FBXO31: variants seen among roughly 807,000 people sequenced by gnomAD.
FBXO31 encodes F-box protein 31, also known as F-box only protein 31.
Under a neutral mutation model 54.4 loss-of-function variants are expected in FBXO31, and 24 were observed. That is an observed-to-expected ratio of 0.44 (90% CI 0.32 to 0.62). The LOEUF is 0.62. FBXO31 is among the 20% of genes least tolerant of loss of function. The pLI, the probability that FBXO31 is intolerant of heterozygous loss-of-function variation, is 0.05. For synonymous variants in FBXO31, 388 were observed against 335.6 expected (o/e 1.16, Z -1.71); for missense variants, 665 against 787.1 (o/e 0.84, Z 1.86).
chr16:87,380,296 C>CAA (rs71156230), intron 1 of FBXO31, among the ~76,000 whole-genome samples: 3,020 of 97,318 alleles, frequency 0.031, 89 homozygotes, highest in African/African-American at 0.046. Flanking sequence ...GACTCCGTCT[C>CAA]AAAAAAAAAA....
At chr16:87,349,065 A>T (rs1265256084) in intron 2 of FBXO31, among the ~76,000 whole-genome samples, 2 of 152,248 alleles carry the variant, frequency 1.3e-5, no homozygotes, top group Non-Finnish European at 2.9e-5. Context: ...CTGTGAAGAC[A>T]AAAACTCCCC....
chr16:87,332,362 A>C (rs1408617869), intron 8 of FBXO31, among the ~76,000 whole-genome samples: 2 of 152,216 alleles, frequency 1.3e-5, no homozygotes, highest in Non-Finnish European at 2.9e-5. Flanking sequence ...ACTGTCCTGC[A>C]GGTTAGCTGG....
chr16:87,389,108 GTTTC>G lies in FBXO31; in HGVS notation c.-177+625_-177+628del, dbSNP rs1183499889. Reference sequence around the variant, plus strand: ...ATGCTTCCAAAAGTTACATGAAGTTGTTTCTTATATTTATTTGTATATGAATGTA... The same window carrying G: ...ATGCTTCCAAAAGTTACATGAAGTTGTTATATTTATTTGTATATGAATGTA... On this transcript the variant is annotated intron_variant, in intron 1 of 8. Transcript: ENST00000618298. 1.4e-4 allele frequency among the ~76,000 whole-genome samples: 21 copies of G among 151,710 alleles called. No individual in the cohort carries two copies. In the East Asian group the frequency reaches 4.1e-3, roughly 29 times the overall value.
upstream of FBXO31, chr16:87,384,019 G>A (rs184718664): frequency 6.1e-4 from 122 of 199,518 alleles, 1 homozygote; most frequent in Middle Eastern, 3.6e-3. Flanking sequence ...CAAAACGTTA[G>A]ACTGCCCCGT....
intron 1 of FBXO31, among the ~76,000 whole-genome samples, chr16:87,376,425 C>T (rs1906827927): frequency 6.6e-6 from 1 of 151,996 alleles, no homozygotes; most frequent in South Asian, 2.1e-4. Flanking sequence ...AGGTGTGAGT[C>T]ACCACGTCCA....
At chr16:87,361,414 G>T (rs1906127585) in intron 1 of FBXO31, among the ~76,000 whole-genome samples, 3 of 152,232 alleles carry the variant, frequency 2.0e-5, no homozygotes, top group Admixed American at 2.0e-4. Flanking sequence ...GGGACGAGGT[G>T]GCTGGGTCTC....
At chr16:87,377,630 A>C (rs1906881284) in intron 1 of FBXO31, among the ~76,000 whole-genome samples, 1 of 152,122 alleles carries the variant, frequency 6.6e-6, no homozygotes, top group Non-Finnish European at 1.5e-5. Flanking sequence ...GTTCAAGACC[A>C]GCGGGGGCAA....
chr16:87,369,228 G>A (rs184825557), intron 1 of FBXO31, among the ~76,000 whole-genome samples: 1 of 151,980 alleles, frequency 6.6e-6, no homozygotes, highest in East Asian at 1.9e-4. Context: ...ACTGTTGACT[G>A]TACGGCTCAC....
In FBXO31 at chr16:87,381,405, C is replaced by G. The variant is rs531020086; in HGVS notation, c.340+2000G>C. ...GGGGAGAGGGCTTCACAGGCATCAC[C>G]TACCTCATTCACCCTCCAAGCACCT... On this transcript the variant is annotated intron_variant, in intron 1 of 8. Transcript: ENST00000311635. 1.4e-3 allele frequency among the ~76,000 whole-genome samples: 217 copies of G among 152,312 alleles called. 2 individuals carry two copies. The highest frequency in any genetic ancestry group is 2.6e-3 in the Non-Finnish European group (174 of 68,022).
At chr16:87,372,467 C>T (rs1342668814) in intron 1 of FBXO31, among the ~76,000 whole-genome samples, 1 of 152,188 alleles carries the variant, frequency 6.6e-6, no homozygotes, top group African/African-American at 2.4e-5. Flanking sequence ...GTTGCTACTG[C>T]CTGGACAGTG....
intron 1 of FBXO31, chr16:87,367,744 C>G (rs908060567): frequency 1.3e-5 from 2 of 152,290 alleles, no homozygotes; most frequent in Admixed American, 1.3e-4. Context: ...ACAAGATGCT[C>G]TGATTCCCTG....
intron 2 of FBXO31, among the ~76,000 whole-genome samples, chr16:87,356,668 G>A (rs1191087911): frequency 1.3e-5 from 2 of 152,236 alleles, no homozygotes; most frequent in Non-Finnish European, 2.9e-5. Context: ...TTCCCCAGCT[G>A]CAGTGATCTG....
chr16:87,361,449 T>C (rs1906129216), intron 1 of FBXO31, among the ~76,000 whole-genome samples: 1 of 152,148 alleles, frequency 6.6e-6, no homozygotes. Flanking sequence ...CAGCTCACAC[T>C]GACTGTGTTA....
chr16:87,355,604 TTG>T (rs1567621820), intron 2 of FBXO31, among the ~76,000 whole-genome samples: 1 of 152,234 alleles, frequency 6.6e-6, no homozygotes, highest in African/African-American at 2.4e-5. Flanking sequence ...TACAATGACT[TTG>T]TGTTTTTATA....
chr16:87,353,175 C>G (rs1416122210), intron 2 of FBXO31, among the ~76,000 whole-genome samples: 1 of 152,208 alleles, frequency 6.6e-6, no homozygotes, highest in Admixed American at 6.5e-5. Flanking sequence ...CCCTGCTCGG[C>G]TCCTGGGTCC....
chr16:87,377,444 T>C (rs1906872438), intron 1 of FBXO31, among the ~76,000 whole-genome samples: 1 of 152,176 alleles, frequency 6.6e-6, no homozygotes, highest in Admixed American at 6.6e-5. Flanking sequence ...AGGGAGACCC[T>C]GTCTCAAAAA....
upstream of FBXO31, among the ~76,000 whole-genome samples, chr16:87,387,775 T>C (rs1256036431): frequency 6.6e-6 from 1 of 152,076 alleles, no homozygotes; most frequent in Non-Finnish European, 1.5e-5. Context: ...CCACATGCAC[T>C]GGGCAATGGT....
rs375078159 is a variant in FBXO31, at chr16:87,345,536, C to T, written c.489+1638G>A. ...TTTTCAACATAAATTGGCAGGTGAC[C>T]GAGAAACACAGAAACTAAAACTACA... On this transcript the variant is annotated intron_variant, in intron 3 of 8. Transcript: ENST00000311635. The surrounding 1 kb of genome is among the most constrained non-coding windows in gnomAD (Gnocchi z 4.9). Among the ~76,000 whole-genome samples, 14 of 152,222 alleles carry T rather than the reference C, an allele frequency of 9.2e-5. No individual in the cohort carries two copies. Among genetic ancestry groups the T allele is most frequent in the Non-Finnish European group, 1.3e-4 (9 of 68,010 alleles).
intron 2 of FBXO31, among the ~76,000 whole-genome samples, chr16:87,355,088 T>C (rs747376846): frequency 6.6e-6 from 1 of 152,242 alleles, no homozygotes; most frequent in Non-Finnish European, 1.5e-5. Flanking sequence ...CCAGGCGCAG[T>C]GGCTCACGCC....
Sources: allele counts gnomAD v4.1 joint callset (sites outside exome capture counted in the v4.1 genomes callset), GRCh38; gene constraint gnomAD v4.1.1; non-coding constraint Gnocchi (gnomAD v3.1); transcripts MANE v1.5; gene names NCBI Gene and HGNC (gene_info 2026-07-23, HGNC 2026-07-21).